MAD1L1: variants seen among roughly 807,000 people sequenced by gnomAD.
MAD1L1 encodes mitotic spindle assembly checkpoint protein MAD1.
MAD1L1 carries 95 observed loss-of-function variants against 96.9 expected under a neutral mutation model. The ratio of observed to expected loss-of-function variants is 0.98; its 90% CI spans 0.83 to 1.16. MAD1L1 has a LOEUF of 1.16. MAD1L1 is among the 50% of genes most tolerant of loss of function. MAD1L1 has a pLI of 0.00. For synonymous variants in MAD1L1, 473 were observed against 396.6 expected, an observed-to-expected ratio of 1.19 and a Z score of -2.29; for missense variants, 1,007 against 954.4, an observed-to-expected ratio of 1.06 and a Z score of -0.73.
At chr7:2,047,338 C>T (rs931351801) in intron 12 of MAD1L1, among the ~76,000 whole-genome samples, 24 of 152,310 alleles carry the variant, frequency 1.6e-4, no homozygotes, top group South Asian at 2.1e-4. Flanking sequence ...TGATTGCTTC[C>T]GTCTGGAAGA....
intron 16 of MAD1L1, among the ~76,000 whole-genome samples, chr7:1,951,422 CTG>C (rs1779491860): frequency 6.6e-6 from 1 of 152,208 alleles, no homozygotes; most frequent in Non-Finnish European, 1.5e-5. Context: ...CTGGGTCTCA[CTG>C]TGGTGAAACG....
chr7:1,828,357 G>A (rs907119892), intron 18 of MAD1L1, among the ~76,000 whole-genome samples: 6 of 152,176 alleles, frequency 3.9e-5, no homozygotes, highest in Admixed American at 1.3e-4. Flanking sequence ...GAGCCAGGGC[G>A]CCGAAAAGAG....
Position 1,985,906 on chromosome 7 carries a change from C to T in MAD1L1, c.1417-5365G>A, listed in dbSNP as rs189545378. On this transcript the variant is annotated intron_variant, in intron 14 of 18. Transcript: ENST00000265854. ...TCCGCCCAAGCCTCACAGACTCTAC[C>T]GCCTCGTTAACTTTTGTTTCTTGGC... 5.3e-5 allele frequency among the ~76,000 whole-genome samples: 8 copies of T among 152,282 alleles called. No individual in the cohort carries two copies. In the East Asian group the frequency reaches 1.4e-3, roughly 26 times the overall value.
At chr7:2,139,272 A>G (rs1788907286) in intron 11 of MAD1L1, among the ~76,000 whole-genome samples, 1 of 151,906 alleles carries the variant, frequency 6.6e-6, no homozygotes, top group South Asian at 2.1e-4. Context: ...CAGCCAACCC[A>G]TGGGAGCACC....
chr7:1,898,090 C>T, intron 18 of MAD1L1, 110 bp downstream of exon 18: 1 of 1,175,520 alleles, frequency 8.5e-7, no homozygotes, highest in Non-Finnish European at 1.2e-6. Context: ...CCCTCCACAC[C>T]ATCCCCTTTG....
Position 2,031,756 on chromosome 7 carries a change from G to A in MAD1L1, c.1219-17114C>T, listed in dbSNP as rs1003188922. 7.2e-5 allele frequency among the ~76,000 whole-genome samples: 11 copies of A among 152,238 alleles called. No individual in the cohort carries two copies. The South Asian group carries it at 1.4e-3, about 20-fold the overall frequency. On this transcript the variant is annotated intron_variant, in intron 12 of 18. Coordinates refer to ENST00000265854, the MANE Select transcript of MAD1L1 (RefSeq NM_001013836.2). ...TCTCGCCAGCATGCCTGACCCACGC[G>A]GATATGGGGCCATGGGCCTGAGACA... is the stretch of plus-strand genomic sequence containing the variant.
intron 11 of MAD1L1, among the ~76,000 whole-genome samples, chr7:2,086,943 G>A (rs938931529): frequency 2.0e-5 from 3 of 152,220 alleles, no homozygotes; most frequent in African/African-American, 4.8e-5. Context: ...AATCCTAAGA[G>A]TTACAAGCTG....
At chr7:2,087,078 G>A (rs1785955950) in intron 11 of MAD1L1, among the ~76,000 whole-genome samples, 1 of 152,190 alleles carries the variant, frequency 6.6e-6, no homozygotes, top group Non-Finnish European at 1.5e-5. Context: ...CTTTAAAAAC[G>A]TACCCACATG....
At chr7:1,906,311 T>C (rs115028086) in intron 17 of MAD1L1, among the ~76,000 whole-genome samples, 5,821 of 152,252 alleles carry the variant, frequency 0.038, 376 homozygotes, top group African/African-American at 0.13. Context: ...ACCCCGGCCA[T>C]GCAGACAGAT....
Position 2,219,376 on chromosome 7 carries a change from C to T in MAD1L1, c.552G>A (p.Glu184=). The T allele has an allele frequency of 6.2e-7, 1 of 1,606,896 alleles. No individual in the cohort carries two copies. ...GCTCCTGCAGCTCCTGCTTCTCCGA[C>T]TCCAGGCGCTTCACCCGCATCTCCT... ...MDQEMRVKRL[E]SEKQELQEQL... is the part of the protein sequence containing the mutation. Residue 184 remains glutamate (E), a synonymous_variant, in exon 6 of 19, where the codon GAG becomes GAA. Coordinates refer to ENST00000265854, the MANE Select transcript of MAD1L1 (RefSeq NM_001013836.2).
In MAD1L1 at chr7:1,978,663, C is replaced by T. The variant is rs147565787; in HGVS notation, c.1505+1790G>A. On this transcript the variant is annotated intron_variant, in intron 15 of 18. Coordinates refer to ENST00000265854, the MANE Select transcript of MAD1L1 (RefSeq NM_001013836.2). ...CAACCCCATCAACCCGAAGACCACA[C>T]GCAGACGCACTTCCAGGGGGAGACA... Among the ~76,000 whole-genome samples the T allele has an allele frequency of 1.5e-3, 235 of 152,248 alleles. 2 individuals are homozygous for T. Among genetic ancestry groups the T allele is most frequent in the African/African-American group, 5.2e-3 (214 of 41,526 alleles).
intron 18 of MAD1L1, among the ~76,000 whole-genome samples, chr7:1,823,950 T>G (rs1395414656): frequency 1.3e-5 from 2 of 152,054 alleles, no homozygotes; most frequent in African/African-American, 2.4e-5. Flanking sequence ...GGGCTCTGTG[T>G]GGGGAGAGGA....
At position 2,132,703 on chromosome 7, in the gene MAD1L1, C is replaced by T. The variant is rs144845245; in HGVS notation, c.1073+16449G>A. 4.9e-3 allele frequency among the ~76,000 whole-genome samples: 746 copies of T among 152,344 alleles called. 10 individuals are homozygous for T. The highest frequency in any genetic ancestry group is 0.016 in the African/African-American group (680 of 41,582). Reference sequence around the variant, plus strand: ...GCAATATATATTTAAGATTCTTCCACGTCTTTTCACAGCTTGGTAGCTCAT... The same window carrying T: ...GCAATATATATTTAAGATTCTTCCATGTCTTTTCACAGCTTGGTAGCTCAT... On this transcript the variant is annotated intron_variant, in intron 11 of 18. Transcript: ENST00000265854.
chr7:1,910,147 G>A (rs553986745), intron 17 of MAD1L1, among the ~76,000 whole-genome samples: 71 of 152,168 alleles, frequency 4.7e-4, no homozygotes, highest in Middle Eastern at 3.4e-3. Flanking sequence ...CCCCAGCACC[G>A]AGAACACAGC....
chr7:1,829,234 A>C (rs1386421726), intron 18 of MAD1L1, among the ~76,000 whole-genome samples: 1 of 152,214 alleles, frequency 6.6e-6, no homozygotes, highest in African/African-American at 2.4e-5. Flanking sequence ...CCAGCCCTTC[A>C]GCGTGACTTA....
intron 17 of MAD1L1, among the ~76,000 whole-genome samples, chr7:1,932,172 T>C (rs755314860): frequency 1.1e-4 from 16 of 152,130 alleles, no homozygotes; most frequent in African/African-American, 3.1e-4. Flanking sequence ...CTCTGCTCTA[T>C]ATCCCAGAAA....
chr7:2,120,268 C>A (rs1370546307), intron 11 of MAD1L1, among the ~76,000 whole-genome samples: 2 of 152,350 alleles, frequency 1.3e-5, no homozygotes, highest in East Asian at 3.9e-4. Flanking sequence ...ACAGCCCCGC[C>A]TGTATGTTAC....
In MAD1L1 at chr7:2,103,749, A is replaced by G. The variant is rs775345673; in HGVS notation, c.1074-34411T>C. On this transcript the variant is annotated intron_variant, in intron 11 of 18. Coordinates refer to ENST00000265854, the MANE Select transcript of MAD1L1 (RefSeq NM_001013836.2). The surrounding 1 kb of genome is among the most constrained non-coding windows in gnomAD (Gnocchi z 4.3). ...TCCTCCTCCCTGCCCAGATCCCAGC[A>G]GTGTGGCATAAGCAGACCCCCTGAA... Among the ~76,000 whole-genome samples the G allele has an allele frequency of 5.9e-5, 9 of 152,202 alleles. No individual in the cohort carries two copies. Among genetic ancestry groups the G allele is most frequent in the Admixed American group, 1.3e-4 (2 of 15,288 alleles).
chr7:2,076,284 G>A (rs1311664869), intron 11 of MAD1L1, among the ~76,000 whole-genome samples: 1 of 152,196 alleles, frequency 6.6e-6, no homozygotes, highest in Non-Finnish European at 1.5e-5. Flanking sequence ...GACCAAACGG[G>A]GGCCCCTGAG....
Sources: allele counts gnomAD v4.1 joint callset (sites outside exome capture counted in the v4.1 genomes callset), GRCh38; gene constraint gnomAD v4.1.1; non-coding constraint Gnocchi (gnomAD v3.1); transcripts MANE v1.5; gene names NCBI Gene and HGNC (gene_info 2026-07-23, HGNC 2026-07-21).